Variants in TMEM132D observed in about 807,000 individuals in gnomAD.
The protein encoded by TMEM132D is transmembrane protein 132D, also known as mature OL transmembrane protein.
In TMEM132D, 21 loss-of-function variants were observed where a neutral mutation model predicts 62.3. That is an observed-to-expected ratio of 0.34 (90% CI 0.24 to 0.49). The LOEUF (loss-of-function observed/expected upper bound fraction) is 0.49, where lower values mean the gene tolerates loss of function less well. Ranked by LOEUF, TMEM132D falls within the 20% of genes least tolerant of loss-of-function variation. The pLI, the probability that TMEM132D is intolerant of heterozygous loss-of-function variation, is 0.99. For synonymous variants in TMEM132D, 621 were observed against 575.6 expected (o/e 1.08, Z -1.13); for missense variants, 1,346 against 1,402.8 (o/e 0.96, Z 0.65).
Position 129,903,194 on chromosome 12 carries a change from A to G in TMEM132D, c.79+67T>C, listed in dbSNP as rs1290574805. Reference sequence around the variant, plus strand: ...TCTCTCCCGGCCGCCCCCATCCTCCACACACTCCCACACACTCACTCCAGG... The same window carrying G: ...TCTCTCCCGGCCGCCCCCATCCTCCGCACACTCCCACACACTCACTCCAGG... On this transcript the variant is annotated intron_variant, in intron 1 of 8. Transcript: ENST00000422113. This position sits in a 1 kb window ranked among gnomAD's most constrained non-coding sequence, Gnocchi z 6.2. 1.5e-5 allele frequency: 23 copies of G among 1,507,968 alleles called. No homozygotes were observed. Among genetic ancestry groups the G allele is most frequent in the Admixed American group, 2.0e-5 (1 of 50,662 alleles). 93.4% of individuals were successfully genotyped at this position (1,507,968 alleles called of 1,614,324 possible). A position where few individuals can be genotyped will look rare whatever the true frequency, so the allele number is the denominator to read the frequency against.
intron 1 of TMEM132D, among the ~76,000 whole-genome samples, 185 bp from the exon 2 acceptor site, chr12:129,700,883 C>T (rs1225713356): frequency 6.6e-6 from 1 of 152,144 alleles, no homozygotes; most frequent in Non-Finnish European, 1.5e-5. Flanking sequence ...GAAATAAATG[C>T]CACCAACCTA....
intron 2 of TMEM132D, among the ~76,000 whole-genome samples, chr12:129,697,279 C>T (rs1017546342): frequency 6.6e-6 from 1 of 152,170 alleles, no homozygotes; most frequent in Non-Finnish European, 1.5e-5. Flanking sequence ...AGAGAACAGA[C>T]GCACACCAAT....
intron 5 of TMEM132D, among the ~76,000 whole-genome samples, chr12:129,105,446 T>G: frequency 7.4e-6 from 1 of 134,644 alleles, no homozygotes; most frequent in African/African-American, 3.0e-5. Context: ...TAATGCTAGA[T>G]GACGAGTTAG....
chr12:129,585,814 CAT>C (rs1491216965), intron 2 of TMEM132D, among the ~76,000 whole-genome samples: 1 of 82,730 alleles, frequency 1.2e-5, no homozygotes, highest in Non-Finnish European at 2.2e-5. Context: ...GATATGCATG[CAT>C]GTGTGTGTGT....
At chr12:129,819,425 G>A (rs916096365) in intron 1 of TMEM132D, among the ~76,000 whole-genome samples, 3 of 152,204 alleles carry the variant, frequency 2.0e-5, no homozygotes, top group South Asian at 4.2e-4. Flanking sequence ...TCGGGGAGTC[G>A]CTATCTCTTC....
In TMEM132D at chr12:129,862,868, T is replaced by TA. The variant is rs200353787; in HGVS notation, c.79+40392dup. Among the ~76,000 whole-genome samples, 1,100 of 143,044 alleles carry TA rather than the reference T, an allele frequency of 7.7e-3. 12 individuals are homozygous for TA. The highest frequency in any genetic ancestry group is 0.066 in the East Asian group (324 of 4,874). 93.8% of individuals were successfully genotyped at this position (143,044 alleles called of 152,430 possible). A position where few individuals can be genotyped will look rare whatever the true frequency, so the allele number is the denominator to read the frequency against. ...TAAGAAGCATCAAGATGAGCTTAGT[T>TA]AAAAAAAAAAAAAGCTATAGCAGCT... is the stretch of plus-strand genomic sequence containing the variant. On this transcript the variant is annotated intron_variant, in intron 1 of 8. Transcript: ENST00000422113.
intron 2 of TMEM132D, among the ~76,000 whole-genome samples, chr12:129,694,109 T>C (rs1003133467): frequency 6.6e-6 from 1 of 152,232 alleles, no homozygotes; most frequent in Non-Finnish European, 1.5e-5. Context: ...TTTCCTTTGC[T>C]GTGTGTCTCT....
intron 5 of TMEM132D, among the ~76,000 whole-genome samples, chr12:129,155,627 C>T (rs1877217934): frequency 6.6e-6 from 1 of 152,208 alleles, no homozygotes; most frequent in South Asian, 2.1e-4. Flanking sequence ...CTAGCAAGGG[C>T]CTTCATGCTG....
At chr12:129,754,575 G>T (rs990133746) in intron 1 of TMEM132D, among the ~76,000 whole-genome samples, 1 of 152,176 alleles carries the variant, frequency 6.6e-6, no homozygotes, top group Non-Finnish European at 1.5e-5. Context: ...GGTTAGTCAT[G>T]GCTGAGATCA....
chr12:129,427,473 G>T (rs1160094115), intron 3 of TMEM132D, among the ~76,000 whole-genome samples: 1 of 151,874 alleles, frequency 6.6e-6, no homozygotes, highest in Non-Finnish European at 1.5e-5. Context: ...GAGTTGATGG[G>T]TGCAGCACAC....
chr12:129,764,318 G>A (rs1048590796), intron 1 of TMEM132D, among the ~76,000 whole-genome samples: 6 of 152,284 alleles, frequency 3.9e-5, no homozygotes, highest in Non-Finnish European at 5.9e-5. Context: ...AATATAGGAC[G>A]TCTTCCTAGA....
intron 1 of TMEM132D, among the ~76,000 whole-genome samples, chr12:129,714,835 T>C (rs1490014794): frequency 6.6e-6 from 1 of 152,182 alleles, no homozygotes; most frequent in African/African-American, 2.4e-5. Context: ...GGCCTGCCCT[T>C]GGGAATGTCA....
rs5801838 is a variant in TMEM132D at position 129,158,385 on chromosome 12, G to GA, written c.1443+51134dup. Among the ~76,000 whole-genome samples the GA allele has an allele frequency of 3.8e-4, 57 of 151,218 alleles. No individual in the cohort carries two copies. The South Asian group carries it at 5.2e-3, about 14-fold the overall frequency. On this transcript the variant is annotated intron_variant, in intron 5 of 8. Coordinates refer to ENST00000422113, the MANE Select transcript of TMEM132D (RefSeq NM_133448.3). ...CACAAGTGCATGAGCAGGTTTTTGA[G>GA]AAAAAAAAAATAATGCATTTGCTTT...
intron 1 of TMEM132D, among the ~76,000 whole-genome samples, chr12:129,838,657 A>G (rs958685874): frequency 3.5e-4 from 54 of 152,362 alleles, no homozygotes; most frequent in Non-Finnish European, 2.6e-4. Flanking sequence ...GTAATCAAAA[A>G]GAGAAATACC....
intron 3 of TMEM132D, among the ~76,000 whole-genome samples, chr12:129,346,844 GC>G (rs1170677574): frequency 1.3e-5 from 2 of 152,152 alleles, no homozygotes; most frequent in Non-Finnish European, 2.9e-5. Flanking sequence ...AAGCTGATAG[GC>G]AACTTCGGCA....
intron 3 of TMEM132D, among the ~76,000 whole-genome samples, chr12:129,486,126 C>T (rs991817832): frequency 1.1e-4 from 16 of 152,308 alleles, no homozygotes; most frequent in Admixed American, 7.8e-4. Context: ...GAAGACTGAT[C>T]GGTGTCGGTA....
intron 2 of TMEM132D, among the ~76,000 whole-genome samples, chr12:129,570,944 G>T (rs929599669): frequency 2.0e-5 from 3 of 152,142 alleles, no homozygotes; most frequent in Non-Finnish European, 2.9e-5. Flanking sequence ...TGTTCCCCCA[G>T]CACATAGCCA....
intron 1 of TMEM132D, among the ~76,000 whole-genome samples, chr12:129,873,377 T>G (rs1274839313): frequency 6.6e-6 from 1 of 152,118 alleles, no homozygotes; most frequent in Non-Finnish European, 1.5e-5. Context: ...TTTCGCTGAT[T>G]TGCTGCAACT....
chr12:129,403,762 G>A lies in TMEM132D; in HGVS notation c.1116-65945C>T, dbSNP rs537530260. 6.6e-5 allele frequency among the ~76,000 whole-genome samples: 10 copies of A among 152,282 alleles called. No homozygotes were observed. In the South Asian group the frequency reaches 2.1e-3, roughly 32 times the overall value. ...AAACTAGTAAATGATAGCAGTACAT[G>A]TATGAAGAAGAAAGGGAATAATGAG... On this transcript the variant is annotated intron_variant, in intron 3 of 8. Coordinates refer to ENST00000422113, the MANE Select transcript of TMEM132D (RefSeq NM_133448.3).
Sources: allele counts gnomAD v4.1 joint callset (sites outside exome capture counted in the v4.1 genomes callset), GRCh38; gene constraint gnomAD v4.1.1; non-coding constraint Gnocchi (gnomAD v3.1); transcripts MANE v1.5; gene names NCBI Gene and HGNC (gene_info 2026-07-23, HGNC 2026-07-21).